Variants in CELF4 observed in about 807,000 individuals in gnomAD.
CELF4 encodes the protein CUGBP Elav-like family member 4.
CELF4 carries 18 observed loss-of-function variants against 59.9 expected under a neutral mutation model. The ratio of observed to expected loss-of-function variants is 0.30; its 90% confidence interval spans 0.21 to 0.45. The LOEUF is 0.45. Ranked by LOEUF, CELF4 falls within the 20% of genes least tolerant of loss-of-function variation. The pLI, the probability that CELF4 is intolerant of heterozygous loss-of-function variation, is 1.00. For missense variants in CELF4, 456 were observed against 689.0 expected (o/e 0.66, Z 3.79); for synonymous variants, 261 against 267.1 (o/e 0.98, Z 0.22).
intron 2 of CELF4, among the ~76,000 whole-genome samples, chr18:37,418,753 T>C (rs1301335622): frequency 1.3e-5 from 2 of 152,236 alleles, no homozygotes; most frequent in Admixed American, 6.5e-5. Flanking sequence ...AGGAAGATCA[T>C]TGATCAGTTT....
intron 1 of CELF4, among the ~76,000 whole-genome samples, chr18:37,509,312 C>T (rs75609351): frequency 0.016 from 2,439 of 152,290 alleles, 69 homozygotes; most frequent in African/African-American, 0.055. Context: ...AAAAGCACCA[C>T]GAAGCTAGGA....
intron 12 of CELF4, among the ~76,000 whole-genome samples, chr18:37,252,201 C>G (rs2065923223): frequency 6.6e-6 from 1 of 152,112 alleles, no homozygotes. Flanking sequence ...TTTCACATGC[C>G]TGATCTTTCT....
chr18:37,320,803 A>C (rs1052249892), intron 3 of CELF4, among the ~76,000 whole-genome samples: 3 of 152,096 alleles, frequency 2.0e-5, no homozygotes, highest in Admixed American at 1.3e-4. Flanking sequence ...GGAAGAGGGC[A>C]CCTGGCAGGG....
At chr18:37,361,843 G>C (rs1284208362) in intron 2 of CELF4, among the ~76,000 whole-genome samples, 2 of 140,968 alleles carry the variant, frequency 1.4e-5, no homozygotes, top group African/African-American at 5.1e-5. Flanking sequence ...GGCAGCCCCT[G>C]CTGGGGAGGC....
intron 6 of CELF4, chr18:37,273,792 G>T: frequency 1.0e-6 from 1 of 989,198 alleles, no homozygotes; most frequent in Non-Finnish European, 1.2e-6. Flanking sequence ...CTCCGGGAGA[G>T]GCTGACAGAG....
chr18:37,294,526 C>T (rs975237902), intron 3 of CELF4, among the ~76,000 whole-genome samples: 4 of 152,224 alleles, frequency 2.6e-5, no homozygotes, highest in African/African-American at 9.7e-5. Flanking sequence ...CCTGGTGAAC[C>T]ACTGTGGTTC....
At chr18:37,444,650 A>ACACACACACG (rs1223382369) in intron 2 of CELF4, among the ~76,000 whole-genome samples, 32 of 136,610 alleles carry the variant, frequency 2.3e-4, no homozygotes, top group African/African-American at 7.8e-4. Flanking sequence ...ACACACACAC[A>ACACACACACG]CACGCGAACG....
intron 2 of CELF4, among the ~76,000 whole-genome samples, chr18:37,390,309 G>A (rs951329048): frequency 6.6e-5 from 10 of 152,186 alleles, no homozygotes; most frequent in Non-Finnish European, 1.3e-4. Context: ...CAGAGCCCTG[G>A]GGATGAGAGA....
chr18:37,495,309 G>A (rs941353332), intron 1 of CELF4, among the ~76,000 whole-genome samples: 15 of 152,104 alleles, frequency 9.9e-5, no homozygotes, highest in East Asian at 1.9e-4. Flanking sequence ...CAGGGTCCCC[G>A]ATGAAGCTAG....
At chr18:37,322,614 T>C (rs1173486868) in intron 2 of CELF4, among the ~76,000 whole-genome samples, 2 of 152,184 alleles carry the variant, frequency 1.3e-5, no homozygotes, top group Non-Finnish European at 2.9e-5. Flanking sequence ...TTCAGGGCAC[T>C]AGGGGTCTCT....
chr18:37,482,200 G>T (rs10502673), intron 2 of CELF4, among the ~76,000 whole-genome samples: 4 of 151,926 alleles, frequency 2.6e-5, no homozygotes, highest in African/African-American at 7.3e-5. Flanking sequence ...TTTACAGAAC[G>T]TCTGGCACAC....
At chr18:37,536,030 A>G (rs1251081595) in intron 1 of CELF4, among the ~76,000 whole-genome samples, 3 of 152,120 alleles carry the variant, frequency 2.0e-5, no homozygotes, top group Non-Finnish European at 4.4e-5. Flanking sequence ...GATGGTGCTG[A>G]CAGTGCTGGG....
chr18:37,508,551 A>G (rs1405781053), intron 1 of CELF4, among the ~76,000 whole-genome samples: 1 of 152,170 alleles, frequency 6.6e-6, no homozygotes, highest in African/African-American at 2.4e-5. Context: ...TGCTGGGTTG[A>G]TGGATGGCAC....
chr18:37,262,726 G>A (rs149347690), intron 10 of CELF4, among the ~76,000 whole-genome samples: 4 of 152,294 alleles, frequency 2.6e-5, no homozygotes, highest in Non-Finnish European at 5.9e-5. Flanking sequence ...CCTGGAGCGG[G>A]CAACATGGGG....
At chr18:37,348,790 T>C (rs2098362823) in intron 2 of CELF4, among the ~76,000 whole-genome samples, 1 of 152,168 alleles carries the variant, frequency 6.6e-6, no homozygotes, top group African/African-American at 2.4e-5. Context: ...GGAGCTTTTA[T>C]TATCACACAC....
intron 2 of CELF4, among the ~76,000 whole-genome samples, chr18:37,357,560 G>C (rs1330890159): frequency 6.6e-6 from 1 of 152,232 alleles, no homozygotes; most frequent in African/African-American, 2.4e-5. Flanking sequence ...CCTCCACAGA[G>C]AATCCCTACT....
intron 1 of CELF4, among the ~76,000 whole-genome samples, chr18:37,499,720 G>A (rs867142092): frequency 6.6e-6 from 1 of 152,226 alleles, no homozygotes; most frequent in Admixed American, 6.5e-5. Flanking sequence ...TTGCATGACA[G>A]TGCTGACTGG....
intron 2 of CELF4, among the ~76,000 whole-genome samples, chr18:37,365,685 C>T (rs2098770466): frequency 6.6e-6 from 1 of 151,948 alleles, no homozygotes; most frequent in Non-Finnish European, 1.5e-5. Flanking sequence ...CAGGTTTCAC[C>T]ATGTTGGTCA....
At chr18:37,480,851 GAAAGAA>G (rs1158484620) in intron 2 of CELF4, among the ~76,000 whole-genome samples, 9 of 151,664 alleles carry the variant, frequency 5.9e-5, no homozygotes, top group African/African-American at 9.7e-5. Context: ...ACAAAGAGAA[GAAAGAA>G]AAAGAAAAAG....
Sources: gnomAD v4.1 joint callset for allele counts (sites outside exome capture counted in the v4.1 genomes callset) on GRCh38, gnomAD v4.1.1 for gene constraint, MANE v1.5 for transcripts, NCBI Gene and HGNC (gene_info 2026-07-23, HGNC 2026-07-21) for gene names.